The following RGS7 variants were observed in gnomAD, a reference collection of about 807,000 sequenced individuals.
RGS7 encodes regulator of G-protein signaling 7.
Under a neutral mutation model 81.1 loss-of-function variants are expected in RGS7, and 27 were observed. The observed-to-expected ratio is 0.33, with a 90% CI of 0.25 to 0.46. RGS7 has a LOEUF of 0.46. Among genes scored for constraint, RGS7 ranks in the 20% least tolerant of loss-of-function variants. The pLI, the probability that RGS7 is intolerant of heterozygous loss-of-function variation, is 1.00. For missense variants in RGS7, 396 were observed against 607.4 expected, an observed-to-expected ratio of 0.65 and a Z score of 3.66; for synonymous variants, 208 against 207.7, an observed-to-expected ratio of 1.00 and a Z score of -0.01.
intron 3 of RGS7, among the ~76,000 whole-genome samples, chr1:241,026,971 A>C (rs1050953554): frequency 1.3e-5 from 2 of 151,564 alleles, no homozygotes; most frequent in African/African-American, 4.9e-5. Context: ...TGAGCTTGGC[A>C]TGTTTTAAGA....
At chr1:240,781,436 T>C (rs945130994) in intron 18 of RGS7, among the ~76,000 whole-genome samples, 17 of 152,028 alleles carry the variant, frequency 1.1e-4, no homozygotes, top group African/African-American at 4.1e-4. Flanking sequence ...TGAAACCCCA[T>C]CTCTACTAAA....
intron 18 of RGS7, among the ~76,000 whole-genome samples, chr1:240,799,713 G>A (rs1295287236): frequency 3.3e-5 from 5 of 152,110 alleles, no homozygotes; most frequent in East Asian, 1.9e-4. Flanking sequence ...CCACAGATAA[G>A]CAAAAATGTC....
intron 2 of RGS7, among the ~76,000 whole-genome samples, chr1:241,303,006 T>G (rs1052386167): frequency 1.4e-5 from 2 of 146,076 alleles, no homozygotes; most frequent in African/African-American, 4.9e-5. Context: ...CATGACTTCA[T>G]GAACGTGGCT....
In RGS7 at chr1:240,866,283, G is replaced by A. The variant is rs193211521; in HGVS notation, c.609+2304C>T. On this transcript the variant is annotated intron_variant, in intron 9 of 18. Transcript: ENST00000440928. ...TCCCAGCACTTTGGGAGGCTGAGGCGCGTGGATCACGAGGTCAGGAGATCG... is the reference window on the plus strand; with the variant it reads ...TCCCAGCACTTTGGGAGGCTGAGGCACGTGGATCACGAGGTCAGGAGATCG... Among the ~76,000 whole-genome samples, 80 of 152,244 alleles carry A rather than the reference G, an allele frequency of 5.3e-4. 1 individual carries two copies. In the East Asian group the frequency reaches 0.011, roughly 20 times the overall value.
intron 2 of RGS7, among the ~76,000 whole-genome samples, chr1:241,330,490 T>C (rs989979399): frequency 5.3e-5 from 8 of 152,222 alleles, no homozygotes; most frequent in African/African-American, 1.9e-4. Context: ...CAGAAGCTTA[T>C]CTGAAACAAA....
At position 240,834,533 on chromosome 1, in the gene RGS7, T is replaced by C. The variant is rs188062272; in HGVS notation, c.610-7361A>G. On this transcript the variant is annotated intron_variant, in intron 9 of 18. Transcript: ENST00000440928. ...TTTTTTTTGTTTGTTTGTTTTGAGA[T>C]GGAGTCTCGCTCCACCGCCCAGACT... 5.1e-3 allele frequency among the ~76,000 whole-genome samples: 782 copies of C among 152,228 alleles called. 8 individuals carry two copies. The highest frequency in any genetic ancestry group is 0.018 in the African/African-American group (759 of 41,530).
intron 3 of RGS7, among the ~76,000 whole-genome samples, chr1:241,008,601 T>C (rs1185097717): frequency 6.6e-6 from 1 of 152,056 alleles, no homozygotes. Context: ...CTGTTGAAAC[T>C]GTAAATTTTT....
At chr1:240,989,919 T>C (rs930259324) in intron 3 of RGS7, among the ~76,000 whole-genome samples, 4 of 152,160 alleles carry the variant, frequency 2.6e-5, no homozygotes, top group Non-Finnish European at 5.9e-5. Flanking sequence ...CTGTCATCCT[T>C]GCTCCTTTCT....
At chr1:241,148,521 C>T (rs566539069) in intron 2 of RGS7, among the ~76,000 whole-genome samples, 1 of 152,276 alleles carries the variant, frequency 6.6e-6, no homozygotes, top group Non-Finnish European at 1.5e-5. Flanking sequence ...GCTCAGTGCC[C>T]CAGTGCCTGA....
At chr1:240,815,902 G>A (rs1037463975) in intron 11 of RGS7, among the ~76,000 whole-genome samples, 1 of 152,240 alleles carries the variant, frequency 6.6e-6, no homozygotes, top group Non-Finnish European at 1.5e-5. Flanking sequence ...GAAAGCGAGA[G>A]TAAGCACTCT....
chr1:241,015,749 C>T (rs1458660104), intron 3 of RGS7, among the ~76,000 whole-genome samples: 1 of 152,168 alleles, frequency 6.6e-6, no homozygotes, highest in African/African-American at 2.4e-5. Context: ...AGGATAATTT[C>T]ATTTAGATAT....
At chr1:241,050,682 C>T (rs2061201157) in intron 3 of RGS7, among the ~76,000 whole-genome samples, 1 of 152,096 alleles carries the variant, frequency 6.6e-6, no homozygotes, top group South Asian at 2.1e-4. Flanking sequence ...CCTCCTCCTC[C>T]TCTTTCTCTT....
At chr1:241,152,323 TTTA>T (rs1483208890) in intron 2 of RGS7, among the ~76,000 whole-genome samples, 2 of 152,198 alleles carry the variant, frequency 1.3e-5, no homozygotes, top group Non-Finnish European at 2.9e-5. Flanking sequence ...TAATCTCATG[TTTA>T]TTATTTTAAA....
intron 2 of RGS7, among the ~76,000 whole-genome samples, chr1:241,113,109 A>G (rs1358443807): frequency 1.3e-5 from 2 of 152,202 alleles, no homozygotes; most frequent in Admixed American, 6.5e-5. Context: ...GCACACAAAC[A>G]TATAACTTCT....
chr1:240,816,132 C>T (rs1357614168), intron 11 of RGS7, among the ~76,000 whole-genome samples, 185 bp downstream of exon 11: 1 of 152,216 alleles, frequency 6.6e-6, no homozygotes, highest in East Asian at 1.9e-4. Flanking sequence ...TATATTGATA[C>T]ATTTTCAAGT....
At chr1:241,020,481 C>T (rs537439466) in intron 3 of RGS7, among the ~76,000 whole-genome samples, 2 of 152,310 alleles carry the variant, frequency 1.3e-5, no homozygotes, top group East Asian at 1.9e-4. Flanking sequence ...TCTCTGTCTT[C>T]TCCTTCTAAG....
At chr1:241,099,149 A>G (rs1362089364) in intron 2 of RGS7, among the ~76,000 whole-genome samples, 6 of 152,358 alleles carry the variant, frequency 3.9e-5, no homozygotes, top group Non-Finnish European at 4.4e-5. Flanking sequence ...AAGCAAGTAG[A>G]GCCTTAAAAG....
rs1390067182 is a variant in RGS7, at chr1:241,261,102, C to CA, written c.78+94596dup. On this transcript the variant is annotated intron_variant, in intron 2 of 18. Coordinates refer to ENST00000440928, the MANE Select transcript of RGS7 (RefSeq NM_001364886.1). ...AAAAAAAAATTAAAACAAAACAAAA[C>CA]AAACAAAAAAAAACAAACAAAAGGC... 4.0e-3 allele frequency among the ~76,000 whole-genome samples: 608 copies of CA among 151,732 alleles called. 3 individuals are homozygous for CA. Among genetic ancestry groups the CA allele is most frequent in the African/African-American group, 0.014 (559 of 41,348 alleles).
intron 15 of RGS7, among the ~76,000 whole-genome samples, chr1:240,803,602 G>C (rs1688344785): frequency 6.6e-6 from 1 of 151,778 alleles, no homozygotes; most frequent in Non-Finnish European, 1.5e-5. Context: ...TAGGTAAATA[G>C]TTGATCATTT....
Sources: gnomAD v4.1 joint callset for allele counts (sites outside exome capture counted in the v4.1 genomes callset) on GRCh38, gnomAD v4.1.1 for gene constraint, MANE v1.5 for transcripts, NCBI Gene and HGNC (gene_info 2026-07-23, HGNC 2026-07-21) for gene names.